Variants in TNPO2 observed in about 807,000 individuals in gnomAD.
TNPO2 encodes the protein transportin 2, also known as transportin-2.
In TNPO2, 16 loss-of-function variants were observed where a neutral mutation model predicts 111.1. The ratio of observed to expected loss-of-function variants is 0.14; its 90% CI spans 0.10 to 0.22. The LOEUF (loss-of-function observed/expected upper bound fraction) is 0.22. Ranked by LOEUF, TNPO2 falls within the 10% of genes least tolerant of loss-of-function variation. The pLI is 1.00. For missense variants in TNPO2, 530 were observed against 1,173.7 expected, an observed-to-expected ratio of 0.45 and a Z score of 8.01; for synonymous variants, 481 against 475.8, an observed-to-expected ratio of 1.01 and a Z score of -0.14.
chr19:12,723,801 C>A lies in TNPO2; in HGVS notation c.-163G>T, dbSNP rs1239951544. On this transcript the variant is annotated 5_prime_UTR_variant, in exon 1 of 26. It removes an upstream start codon present in the reference 5' UTR. Coordinates refer to ENST00000425528, the MANE Select transcript of TNPO2 (RefSeq NM_001382241.1). ...AGGCAAAGTCAGTCCCGGCTCCGTT[C>A]ATTCATGAAAATCAAGTCCCGGGCC... 2 of 152,186 alleles carry A rather than the reference C, an allele frequency of 1.3e-5. No homozygotes were observed. Among genetic ancestry groups the A allele is most frequent in the Non-Finnish European group, 2.9e-5 (2 of 68,040 alleles). The allele number at this position is 152,186 out of a possible 1,614,324, so 9.4% of individuals were successfully genotyped here. A position where few individuals can be genotyped will look rare whatever the true frequency, so the allele number is the denominator to read the frequency against.
rs543008536 is a variant in TNPO2 at position 12,701,105 on chromosome 19, C to T, written c.*159G>A. ...CCAGGAGGGCAAGTGGACGGATGGACGGACGGACGGACGGACGGGGAAGGC... is the reference window on the plus strand; with the variant it reads ...CCAGGAGGGCAAGTGGACGGATGGATGGACGGACGGACGGACGGGGAAGGC... On this transcript the variant is annotated 3_prime_UTR_variant, in exon 26 of 26. Coordinates refer to ENST00000425528, the MANE Select transcript of TNPO2 (RefSeq NM_001382241.1). The surrounding 1 kb of genome is among the most constrained non-coding windows in gnomAD (Gnocchi z 5.0). The T allele has an allele frequency of 7.4e-5, 30 of 404,306 alleles. 1 individual carries two copies. In the Middle Eastern group the frequency reaches 3.4e-3, roughly 46 times the overall value. The allele number at this position is 404,306 out of a possible 1,614,324, so 25.0% of individuals were successfully genotyped here.
In TNPO2 at chr19:12,719,799, GAA is replaced by G. The variant is rs568805777; in HGVS notation, c.100-465_100-464del. The stretch of plus-strand genomic sequence containing the variant: ...GGGCGACAGAGCAAGACTCCATCTT[GAA>G]AAAAAAAAAAATCATACAAGGAGTT... On this transcript the variant is annotated intron_variant, in intron 3 of 25. Transcript: ENST00000425528. This position sits in a 1 kb window ranked among gnomAD's most constrained non-coding sequence, Gnocchi z 5.0. 7.1e-6 allele frequency among the ~76,000 whole-genome samples: 1 copy of G among 141,604 alleles called. No homozygotes were observed. The allele number at this position is 141,604 out of a possible 152,430, so 92.9% of individuals were successfully genotyped here. A position where few individuals can be genotyped will look rare whatever the true frequency, so the allele number is the denominator to read the frequency against.
intron 18 of TNPO2, among the ~76,000 whole-genome samples, chr19:12,704,161 G>A (rs1022827788): frequency 2.6e-5 from 4 of 152,244 alleles, no homozygotes; most frequent in Non-Finnish European, 5.9e-5. Context: ...GAGGTCAGGA[G>A]TTTGAGACCA....
chr19:12,707,888 T>G (rs1380611408), intron 13 of TNPO2, among the ~76,000 whole-genome samples: 2 of 152,006 alleles, frequency 1.3e-5, no homozygotes, highest in African/African-American at 4.8e-5. Flanking sequence ...TTGCACAATC[T>G]TGGCTCACTG....
Position 12,702,289 on chromosome 19 carries a change from C to CAA in TNPO2, c.2306-114_2306-113dup. On this transcript the variant is annotated intron_variant, in intron 21 of 25. Transcript: ENST00000425528. This position sits in a 1 kb window ranked among gnomAD's most constrained non-coding sequence, Gnocchi z 5.5. ...GGCTACTGCAGCCACCCTGGTCCCC[C>CAA]AAGCTTGGCCCAGCCAGGGGTCCTC... 2 of 891,052 alleles carry CAA rather than the reference C, an allele frequency of 2.2e-6. No individual in the cohort carries two copies. The highest frequency in any genetic ancestry group is 3.6e-6 in the Non-Finnish European group (2 of 560,648). The allele number at this position is 891,052 out of a possible 1,614,324, so 55.2% of individuals were successfully genotyped here.
At chr19:12,709,324 T>C (rs1434680489) in intron 13 of TNPO2, among the ~76,000 whole-genome samples, 2 of 152,302 alleles carry the variant, frequency 1.3e-5, no homozygotes, top group African/African-American at 4.8e-5. Flanking sequence ...ATCATGCCAC[T>C]GCACCCCAGC....
chr19:12,710,712 G>A lies in TNPO2; in HGVS notation c.1179C>T (p.Pro393=), dbSNP rs1296033007. 7 of 1,613,442 alleles carry A rather than the reference G, an allele frequency of 4.3e-6. No homozygotes were observed. Among genetic ancestry groups the A allele is most frequent in the African/African-American group, 4.0e-5 (3 of 74,918 alleles). Reference sequence around the variant, plus strand: ...GGCCTTTGAGTAGTGGGAGTAGGTGGGGCAGCAGTTCCTCCCGGAAGACAT... The same window carrying A: ...GGCCTTTGAGTAGTGGGAGTAGGTGAGGCAGCAGTTCCTCCCGGAAGACAT... ...LANVFREELL[P]HLLPLLKGLL... is the part of the protein sequence containing the mutation. The change falls in exon 13 of 26, where the codon CCC becomes CCT. Residue 393 remains proline (P), a synonymous_variant. Coordinates refer to ENST00000425528, the MANE Select transcript of TNPO2 (RefSeq NM_001382241.1).
At position 12,721,924 on chromosome 19, in the gene TNPO2, G is replaced by T. The variant is rs1966991246; in HGVS notation, c.-13-934C>A. Among the ~76,000 whole-genome samples the T allele has an allele frequency of 1.3e-5, 2 of 148,778 alleles. No individual in the cohort carries two copies. Among genetic ancestry groups the T allele is most frequent in the South Asian group, 4.3e-4 (2 of 4,696 alleles). The stretch of plus-strand genomic sequence containing the variant: ...GATCCTTGCAGCCTCCCCCAGTTCG[G>T]CCTGGGTAAACACCCCCCGGGGCAT... On this transcript the variant is annotated intron_variant, in intron 2 of 25. Transcript: ENST00000425528. The surrounding 1 kb of genome is among the most constrained non-coding windows in gnomAD (Gnocchi z 4.9).
At position 12,705,810 on chromosome 19, in the gene TNPO2, G is replaced by T; in HGVS notation, c.1669-42C>A. Reference sequence around the variant, plus strand: ...AAATGGGCGCTCCCTGGGTCGGGGTGGCAGACTGTGACTCAGGTACCTGTT... The same window carrying T: ...AAATGGGCGCTCCCTGGGTCGGGGTTGCAGACTGTGACTCAGGTACCTGTT... On this transcript the variant is annotated intron_variant, in intron 15 of 25. Coordinates refer to ENST00000425528, the MANE Select transcript of TNPO2 (RefSeq NM_001382241.1). This position sits in a 1 kb window ranked among gnomAD's most constrained non-coding sequence, Gnocchi z 7.2. 7.3e-7 allele frequency: 1 copy of T among 1,369,442 alleles called. No homozygotes were observed. Among genetic ancestry groups the T allele is most frequent in the Non-Finnish European group, 9.8e-7 (1 of 1,024,732 alleles). 84.8% of individuals were successfully genotyped at this position (1,369,442 alleles called of 1,614,324 possible).
At chr19:12,723,070 G>A (rs1372226733) in intron 2 of TNPO2, among the ~76,000 whole-genome samples, 179 bp downstream of exon 2, 1 of 152,208 alleles carries the variant, frequency 6.6e-6, no homozygotes, top group East Asian at 1.9e-4. Flanking sequence ...GCAGGACAAA[G>A]TAAGTGCCTG....
Position 12,719,447 on chromosome 19 carries a change from G to A in TNPO2, c.100-111C>T, listed in dbSNP as rs1285534696. ...CTGGGACCAGGCTGCCAGCTCCTGG[G>A]GGATCCCGCTCCCTAATAAGCCCAC... On this transcript the variant is annotated intron_variant, in intron 3 of 25. Transcript: ENST00000425528. The surrounding 1 kb of genome is among the most constrained non-coding windows in gnomAD (Gnocchi z 5.0). The A allele has an allele frequency of 2.7e-5, 23 of 866,236 alleles. No individual in the cohort carries two copies. The highest frequency in any genetic ancestry group is 2.8e-4 in the Middle Eastern group (1 of 3,594). The allele number at this position is 866,236 out of a possible 1,614,324, so 53.7% of individuals were successfully genotyped here.
chr19:12,708,589 G>A (rs944765438), intron 13 of TNPO2, among the ~76,000 whole-genome samples: 14 of 152,114 alleles, frequency 9.2e-5, no homozygotes, highest in African/African-American at 3.4e-4. Flanking sequence ...AATACAGGCC[G>A]GGTGCGGTGG....
At chr19:12,722,921 C>A (rs1351699651) in intron 2 of TNPO2, among the ~76,000 whole-genome samples, 2 of 152,180 alleles carry the variant, frequency 1.3e-5, no homozygotes, top group Admixed American at 6.5e-5. Context: ...GAGCCAGCAC[C>A]CTCCTTGTCA....
In TNPO2 at chr19:12,723,365, T is replaced by G. The variant is rs956868672; in HGVS notation, c.-130A>C. 1 of 152,144 alleles carries G rather than the reference T, an allele frequency of 6.6e-6. No homozygotes were observed. Among genetic ancestry groups the G allele is most frequent in the Non-Finnish European group, 1.5e-5 (1 of 68,010 alleles). 9.4% of individuals were successfully genotyped at this position (152,144 alleles called of 1,614,324 possible). A position where few individuals can be genotyped will look rare whatever the true frequency, so the allele number is the denominator to read the frequency against. ...GACAGTAGGGCACCGTTTTTCCTTC[T>G]CTTGAGAGAGGAGCAGATGGTAAAA... On this transcript the variant is annotated splice_region_variant and 5_prime_UTR_variant, in exon 2 of 26. Transcript: ENST00000425528.
Position 12,715,678 on chromosome 19 carries a change from G to A in TNPO2, c.387C>T (p.Pro129=). The change falls in exon 6 of 26, where the codon CCC becomes CCT. Residue 129 remains proline, a synonymous_variant. Coordinates refer to ENST00000425528, the MANE Select transcript of TNPO2 (RefSeq NM_001382241.1). This position sits in a 1 kb window ranked among gnomAD's most constrained non-coding sequence, Gnocchi z 7.1. ...GELQMWPELL[P]QLCNLLNSED... ...CCGAGTTAAGCAGGTTGCAGAGCTG[G>A]GGCAGCAGCTCGGGCCACATCTGCA... The A allele has an allele frequency of 3.7e-6, 6 of 1,613,728 alleles. No individual in the cohort carries two copies. The highest frequency in any genetic ancestry group is 5.1e-6 in the Non-Finnish European group (6 of 1,179,824).
In TNPO2 at chr19:12,711,441, C is replaced by T. The variant is rs1169844337; in HGVS notation, c.972G>A (p.Glu324=). The change falls in exon 12 of 26, where the codon GAG becomes GAA. Residue 324 remains glutamate, a synonymous_variant. Transcript: ENST00000425528. ...TGTCCTGCTCACTGTCGGGGACAGC[C>T]TCATCCTCCTCCACATCCCCCTGGG... ...ILLKGDVEED[E]AVPDSEQDIK... 1 of 1,614,022 alleles carries T rather than the reference C, an allele frequency of 6.2e-7. No homozygotes were observed. The highest frequency in any genetic ancestry group is 8.5e-7 in the Non-Finnish European group (1 of 1,179,892).
Position 12,702,720 on chromosome 19 carries a change from C to T in TNPO2, c.2305+103G>A. ...CCTTCCAGGTACTTCCAGACACCCTCCTTGGTTCCTTGACAAGGCTCTTTC... is the reference window on the plus strand; with the variant it reads ...CCTTCCAGGTACTTCCAGACACCCTTCTTGGTTCCTTGACAAGGCTCTTTC... On this transcript the variant is annotated intron_variant, in intron 21 of 25. Transcript: ENST00000425528. This position sits in a 1 kb window ranked among gnomAD's most constrained non-coding sequence, Gnocchi z 5.5. The T allele has an allele frequency of 9.5e-7, 1 of 1,056,866 alleles. No individual in the cohort carries two copies. Among genetic ancestry groups the T allele is most frequent in the Non-Finnish European group, 1.4e-6 (1 of 692,234 alleles). The allele number at this position is 1,056,866 out of a possible 1,614,324, so 65.5% of individuals were successfully genotyped here.
At chr19:12,716,806 T>A (rs2026386798) in intron 5 of TNPO2, among the ~76,000 whole-genome samples, 1 of 150,736 alleles carries the variant, frequency 6.6e-6, no homozygotes, top group African/African-American at 2.4e-5. Context: ...CTGAAGGAGG[T>A]GAAGGAGGCG....
chr19:12,703,676 G>A (rs764822783), intron 19 of TNPO2, 38 bp downstream of exon 19: 7 of 1,600,162 alleles, frequency 4.4e-6, no homozygotes, highest in South Asian at 1.1e-5. Context: ...TGAGGCCGGG[G>A]CTGGGGTCAT....
Sources: gnomAD v4.1 joint callset for allele counts (sites outside exome capture counted in the v4.1 genomes callset) on GRCh38, gnomAD v4.1.1 for gene constraint, Gnocchi (gnomAD v3.1) non-coding constraint, MANE v1.5 for transcripts, NCBI Gene and HGNC (gene_info 2026-07-23, HGNC 2026-07-21) for gene names.